The following NRXN1 variants were observed in gnomAD, a reference collection of about 807,000 sequenced individuals.
NRXN1 encodes the protein neurexin-1.
Under a neutral mutation model 150.9 loss-of-function variants are expected in NRXN1, and 39 were observed. The observed-to-expected ratio is 0.26, with a 90% CI of 0.20 to 0.34. The LOEUF (loss-of-function observed/expected upper bound fraction) is 0.34, where lower values mean the gene tolerates loss of function less well. NRXN1 is among the 10% of genes least tolerant of loss of function. The pLI is 1.00. For synonymous variants in NRXN1, 924 were observed against 757.0 expected, an observed-to-expected ratio of 1.22 and a Z score of -3.62; for missense variants, 1,815 against 1,949.9, an observed-to-expected ratio of 0.93 and a Z score of 1.30.
chr2:50,342,800 T>C (rs1189271609), intron 17 of NRXN1, among the ~76,000 whole-genome samples: 1 of 152,238 alleles, frequency 6.6e-6, no homozygotes, highest in Non-Finnish European at 1.5e-5. Flanking sequence ...GCTCATAGAA[T>C]TGCTCTGGGC....
At chr2:50,667,621 T>C (rs961839983) in intron 5 of NRXN1, among the ~76,000 whole-genome samples, 4 of 151,980 alleles carry the variant, frequency 2.6e-5, no homozygotes, top group African/African-American at 9.7e-5. Context: ...TTTCTCCTTA[T>C]ATCCATCCTT....
At chr2:50,076,430 TCTAA>T (rs1162507617) in intron 19 of NRXN1, among the ~76,000 whole-genome samples, 3 of 152,346 alleles carry the variant, frequency 2.0e-5, no homozygotes, top group Non-Finnish European at 4.4e-5. Flanking sequence ...TTTACCAATT[TCTAA>T]CTGTTTTGAA....
In NRXN1 at chr2:50,347,262, C is replaced by T. The variant is rs199911382; in HGVS notation, c.3365-110292G>A. 3.0e-6 allele frequency: 4 copies of T among 1,315,290 alleles called. No homozygotes were observed. In the African/African-American group the frequency reaches 6.0e-5, roughly 20 times the overall value. 81.5% of individuals were successfully genotyped at this position (1,315,290 alleles called of 1,614,324 possible). On this transcript the variant is annotated intron_variant, in intron 17 of 22. Transcript: ENST00000401669. The surrounding 1 kb of genome is among the most constrained non-coding windows in gnomAD (Gnocchi z 4.9). ...TCCCAGATTTCCAGGGCTCCAGGTT[C>T]TCGAGAGATACTCCCAAAGAGTTTC...
At chr2:50,017,104 T>C (rs1686770685) in intron 21 of NRXN1, among the ~76,000 whole-genome samples, 1 of 152,192 alleles carries the variant, frequency 6.6e-6, no homozygotes, top group South Asian at 2.1e-4. Flanking sequence ...CTAATCAGCA[T>C]TTTATGCACT....
chr2:50,853,762 G>A (rs1674866664), intron 5 of NRXN1, among the ~76,000 whole-genome samples: 1 of 151,970 alleles, frequency 6.6e-6, no homozygotes, highest in Non-Finnish European at 1.5e-5. Flanking sequence ...ATAAAAGCAG[G>A]CATCCTAATC....
chr2:50,353,286 T>C (rs2078555005), intron 17 of NRXN1, among the ~76,000 whole-genome samples: 1 of 152,148 alleles, frequency 6.6e-6, no homozygotes, highest in African/African-American at 2.4e-5. Context: ...AACTGCAAGT[T>C]CAAGTGTTGC....
At position 50,504,140 on chromosome 2, in the gene NRXN1, TAA is replaced by T. The variant is rs70948715; in HGVS notation, c.2497+2353_2497+2354del. 8.7e-3 allele frequency among the ~76,000 whole-genome samples: 973 copies of T among 112,412 alleles called. 14 individuals carry two copies. The highest frequency in any genetic ancestry group is 0.034 in the African/African-American group (919 of 27,164). 73.7% of individuals were successfully genotyped at this position (112,412 alleles called of 152,430 possible). A position where few individuals can be genotyped will look rare whatever the true frequency, so the allele number is the denominator to read the frequency against. On this transcript the variant is annotated intron_variant, in intron 13 of 22. Transcript: ENST00000401669. ...AAGGAGGCTAAAGAAACATGACAAC[TAA>T]AAAAAAAAAAAAAAAAAAATAGCTG...
At chr2:50,437,070 AT>A (rs1476957911) in intron 17 of NRXN1, among the ~76,000 whole-genome samples, 4 of 152,186 alleles carry the variant, frequency 2.6e-5, no homozygotes, top group Non-Finnish European at 4.4e-5. Context: ...TTCCAAATCC[AT>A]TCTGGGAAAC....
At chr2:50,622,837 G>C (rs937287177) in intron 6 of NRXN1, among the ~76,000 whole-genome samples, 1 of 152,078 alleles carries the variant, frequency 6.6e-6, no homozygotes, top group South Asian at 2.1e-4. Flanking sequence ...TTTCCCCTCA[G>C]GGACTTCTCT....
chr2:50,633,053 A>G (rs966464693), intron 5 of NRXN1: 1 of 152,134 alleles, frequency 6.6e-6, no homozygotes, highest in African/African-American at 2.4e-5. Flanking sequence ...ATATTCTAAC[A>G]AGTCATCATT....
chr2:50,758,363 T>C (rs1701400722), intron 5 of NRXN1, among the ~76,000 whole-genome samples: 1 of 151,852 alleles, frequency 6.6e-6, no homozygotes, highest in African/African-American at 2.4e-5. Flanking sequence ...ATGCAGATGC[T>C]AACAAAAGAT....
intron 17 of NRXN1, among the ~76,000 whole-genome samples, chr2:50,449,437 C>G (rs2086758744): frequency 6.6e-6 from 1 of 152,142 alleles, no homozygotes; most frequent in Non-Finnish European, 1.5e-5. Flanking sequence ...CTTCCTCTGC[C>G]CTTTTTACAT....
At chr2:49,948,407 C>T (rs1673336270) in intron 21 of NRXN1, among the ~76,000 whole-genome samples, 1 of 151,938 alleles carries the variant, frequency 6.6e-6, no homozygotes, top group African/African-American at 2.4e-5. Context: ...ACTACAAATG[C>T]GACCCTTTTG....
At chr2:50,949,047 T>C (rs1333821213) in intron 2 of NRXN1, among the ~76,000 whole-genome samples, 1 of 152,036 alleles carries the variant, frequency 6.6e-6, no homozygotes, top group Non-Finnish European at 1.5e-5. Flanking sequence ...AGGAAATATA[T>C]ATAATTAATT....
At position 50,352,779 on chromosome 2, in the gene NRXN1, TATAATA is replaced by T. The variant is rs987086972; in HGVS notation, c.3364+112657_3364+112662del. 4.6e-4 allele frequency among the ~76,000 whole-genome samples: 43 copies of T among 94,344 alleles called. 1 individual carries two copies. Among genetic ancestry groups the T allele is most frequent in the African/African-American group, 9.3e-4 (26 of 28,094 alleles). The allele number at this position is 94,344 out of a possible 152,430, so 61.9% of individuals were successfully genotyped here. A position where few individuals can be genotyped will look rare whatever the true frequency, so the allele number is the denominator to read the frequency against. On this transcript the variant is annotated intron_variant, in intron 17 of 22. Transcript: ENST00000401669. ...ATAATAATAATAATAATAATAATAT[TATAATA>T]ATAATAATAATAATAATAATAATGC...
At chr2:50,030,206 T>C (rs935579841) in intron 21 of NRXN1, among the ~76,000 whole-genome samples, 1 of 152,182 alleles carries the variant, frequency 6.6e-6, no homozygotes, top group African/African-American at 2.4e-5. Context: ...CATGACCTTC[T>C]TTTCCTTAGA....
At chr2:50,882,329 A>T (rs1679568072) in intron 5 of NRXN1, among the ~76,000 whole-genome samples, 1 of 151,926 alleles carries the variant, frequency 6.6e-6, no homozygotes. Flanking sequence ...GTTTAATTCA[A>T]AAAGTATATA....
intron 17 of NRXN1, among the ~76,000 whole-genome samples, chr2:50,257,285 G>T (rs1477668061): frequency 6.6e-6 from 1 of 151,968 alleles, no homozygotes; most frequent in African/African-American, 2.4e-5. Context: ...TCTATGGGAG[G>T]TCACATGTAT....
At chr2:49,922,886 T>C (rs750209588) in intron 22 of NRXN1, among the ~76,000 whole-genome samples, 20 of 150,558 alleles carry the variant, frequency 1.3e-4, no homozygotes, top group African/African-American at 1.7e-4. Context: ...ATTTTATTAA[T>C]TGATTGGGGA....
Sources: allele counts gnomAD v4.1 joint callset (sites outside exome capture counted in the v4.1 genomes callset), GRCh38; gene constraint gnomAD v4.1.1; non-coding constraint Gnocchi (gnomAD v3.1); transcripts MANE v1.5; gene names NCBI Gene and HGNC (gene_info 2026-07-23, HGNC 2026-07-21).